Variants in ADAMTS16 observed in about 807,000 individuals in gnomAD.
The protein encoded by ADAMTS16 is A disintegrin and metalloproteinase with thrombospondin motifs 16.
Under a neutral mutation model 145.8 loss-of-function variants are expected in ADAMTS16, and 94 were observed. The ratio of observed to expected loss-of-function variants is 0.64; its 90% CI spans 0.55 to 0.77. ADAMTS16 has a LOEUF of 0.77. ADAMTS16 is among the 30% of genes least tolerant of loss of function. ADAMTS16 has a pLI of 0.00. For missense variants in ADAMTS16, 1,585 were observed against 1,591.5 expected, an observed-to-expected ratio of 1.00 and a Z score of 0.07; for synonymous variants, 659 against 604.3, an observed-to-expected ratio of 1.09 and a Z score of -1.33.
intron 18 of ADAMTS16, among the ~76,000 whole-genome samples, chr5:5,298,677 C>T (rs1560995399): frequency 6.6e-6 from 1 of 152,158 alleles, no homozygotes; most frequent in Admixed American, 6.5e-5. Context: ...GTTGAATGGG[C>T]ACTGCTATCT....
chr5:5,226,446 C>T lies in ADAMTS16; in HGVS notation c.1701+3562C>T, dbSNP rs542370255. 1.1e-4 allele frequency among the ~76,000 whole-genome samples: 17 copies of T among 152,222 alleles called. No homozygotes were observed. The East Asian group carries it at 2.7e-3, about 24-fold the overall frequency. On this transcript the variant is annotated intron_variant, in intron 11 of 22. Transcript: ENST00000274181. ...AAGACCCGCCCCCATGATTCAATTA[C>T]CTCCTACCAGGTCCCTCCCGTGACA...
chr5:5,320,086 C>CTT lies in ADAMTS16; in HGVS notation c.*957_*958dup, dbSNP rs59154430. 7,136 of 256,898 alleles carry CTT rather than the reference C, an allele frequency of 0.028. 13 individuals carry two copies. The highest frequency in any genetic ancestry group is 0.047 in the South Asian group (1,286 of 27,420). 15.9% of individuals were successfully genotyped at this position (256,898 alleles called of 1,614,324 possible). A position where few individuals can be genotyped will look rare whatever the true frequency, so the allele number is the denominator to read the frequency against. On this transcript the variant is annotated 3_prime_UTR_variant, in exon 23 of 23. Transcript: ENST00000274181. The surrounding 1 kb of genome is among the most constrained non-coding windows in gnomAD (Gnocchi z 5.1). ...TTTTTGTGTGTTGTGAGATTTTAATCTTTTTTTTTTCGGTGAGTCTGGCCA... is the reference window on the plus strand; with the variant it reads ...TTTTTGTGTGTTGTGAGATTTTAATCTTTTTTTTTTTTCGGTGAGTCTGGCCA...
chr5:5,311,352 TA>T (rs1284510839), intron 21 of ADAMTS16, among the ~76,000 whole-genome samples: 1 of 149,776 alleles, frequency 6.7e-6, no homozygotes, highest in Non-Finnish European at 1.5e-5. Flanking sequence ...TTGTTTTATC[TA>T]AATCTAAAGG....
chr5:5,242,357 G>A (rs929697279), intron 17 of ADAMTS16, among the ~76,000 whole-genome samples, 166 bp downstream of exon 17: 8 of 152,160 alleles, frequency 5.3e-5, no homozygotes, highest in African/African-American at 1.7e-4. Flanking sequence ...GTCACTTGTC[G>A]GCCCGAGCTG....
chr5:5,217,871 T>C (rs1736480438), intron 10 of ADAMTS16, among the ~76,000 whole-genome samples: 1 of 152,246 alleles, frequency 6.6e-6, no homozygotes, highest in Non-Finnish European at 1.5e-5. Context: ...GTACCTATCA[T>C]GCTTTATCAT....
At chr5:5,257,046 A>T (rs1396106437) in intron 17 of ADAMTS16, among the ~76,000 whole-genome samples, 1 of 152,196 alleles carries the variant, frequency 6.6e-6, no homozygotes, top group Non-Finnish European at 1.5e-5. Context: ...TCTGCAGAAC[A>T]TTTTTAAACA....
rs550837516 is a variant in ADAMTS16, at chr5:5,235,150, C to T, written c.1987C>T (p.Arg663Trp). 48 of 1,587,658 alleles carry T rather than the reference C, an allele frequency of 3.0e-5. No individual in the cohort carries two copies. Among genetic ancestry groups the T allele is most frequent in the Middle Eastern group, 1.7e-4 (1 of 5,920 alleles). The stretch of plus-strand genomic sequence containing the variant: ...GCACAACAGCAGACGATTCAGAGGG[C>T]GGCACTACAAGTGGAAGCCTTACAC... The part of the protein sequence containing the change: ...AEHNSRRFRG[R>W]HYKWKPYTQV... Residue 663 changes from arginine to tryptophan, a missense_variant, in exon 13 of 23, where the codon CGG becomes TGG. Arg to Trp is a moderately radical substitution (Grantham distance 101, BLOSUM62 -3). Coordinates refer to ENST00000274181, the MANE Select transcript of ADAMTS16 (RefSeq NM_139056.4).
chr5:5,271,957 T>C (rs1006274645), intron 18 of ADAMTS16, among the ~76,000 whole-genome samples: 14 of 152,154 alleles, frequency 9.2e-5, no homozygotes, highest in African/African-American at 2.4e-4. Flanking sequence ...TTGCACACTC[T>C]AGAAATGAAA....
intron 17 of ADAMTS16, among the ~76,000 whole-genome samples, chr5:5,252,043 G>T (rs1387218687): frequency 6.6e-6 from 1 of 152,326 alleles, no homozygotes; most frequent in African/African-American, 2.4e-5. Context: ...TAGAGACGGG[G>T]TTTCACCGTG....
rs1277841821 is a variant in ADAMTS16 at position 5,244,579 on chromosome 5, T to G, written c.2662+2388T>G. Among the ~76,000 whole-genome samples the G allele has an allele frequency of 3.9e-5, 6 of 152,210 alleles. No individual in the cohort carries two copies. In the East Asian group the frequency reaches 1.2e-3, roughly 29 times the overall value. On this transcript the variant is annotated intron_variant, in intron 17 of 22. Transcript: ENST00000274181. ...CAATGCCTGGAAGCAATCCTTATTA[T>G]CATCTCAGAGGTTACAGGTAACTTG...
At chr5:5,177,781 G>A (rs1735239785) in intron 3 of ADAMTS16, among the ~76,000 whole-genome samples, 1 of 152,102 alleles carries the variant, frequency 6.6e-6, no homozygotes, top group African/African-American at 2.4e-5. Flanking sequence ...GAGTAAAAAT[G>A]AAATTACTTG....
At chr5:5,304,272 G>A (rs1739926938) in intron 20 of ADAMTS16, among the ~76,000 whole-genome samples, 1 of 152,194 alleles carries the variant, frequency 6.6e-6, no homozygotes. Flanking sequence ...ATCACCTGTT[G>A]CTGCAGGAGG....
Position 5,300,800 on chromosome 5 carries a change from A to G in ADAMTS16, c.2790-2468A>G, listed in dbSNP as rs1281011792. On this transcript the variant is annotated intron_variant, in intron 18 of 22. Coordinates refer to ENST00000274181, the MANE Select transcript of ADAMTS16 (RefSeq NM_139056.4). ...GGCTCTAAAATTACTTGAGTCACAG[A>G]CTCCCTGGAGAACTTGAGGAAAGGC... 1.3e-5 allele frequency among the ~76,000 whole-genome samples: 2 copies of G among 152,004 alleles called. 1 individual carries two copies. The highest frequency in any genetic ancestry group is 3.9e-4 in the East Asian group (2 of 5,184).
In ADAMTS16 at chr5:5,242,148, T is replaced by G. The variant is rs778140266; in HGVS notation, c.2619T>G (p.Thr873=). 6.2e-7 allele frequency: 1 copy of G among 1,614,068 alleles called. No homozygotes were observed. The highest frequency in any genetic ancestry group is 1.1e-5 in the South Asian group (1 of 91,086). Residue 873 remains threonine (T), a synonymous_variant, in exon 17 of 23, where the codon ACT becomes ACG. Transcript: ENST00000274181. ...EKQPPAQPSY[T]WAIVRSECSV... ...AGCCCCCTGCCCAGCCCAGCTACAC[T>G]TGGGCCATCGTGCGCTCTGAGTGCT...
chr5:5,190,130 G>A lies in ADAMTS16; in HGVS notation c.1207G>A (p.Gly403Arg). 1.9e-6 allele frequency: 3 copies of A among 1,589,386 alleles called. No homozygotes were observed. The highest frequency in any genetic ancestry group is 2.6e-6 in the Non-Finnish European group (3 of 1,167,324). ...SWKNEPCDTL[G>R]FAPISGMCSK... Reference sequence around the variant, plus strand: ...GAAGAATGAGCCCTGTGACACTTTGGGTGAGAACCTCCAGCAGAGTGTGAG... The same window carrying A: ...GAAGAATGAGCCCTGTGACACTTTGAGTGAGAACCTCCAGCAGAGTGTGAG... The change falls in exon 7 of 23, where the codon GGA becomes AGA. Residue 403 changes from glycine to arginine, a missense_variant and splice_region_variant. Transcript: ENST00000274181.
chr5:5,212,195 TTTTGTTTTG>T (rs1361965542), intron 10 of ADAMTS16, among the ~76,000 whole-genome samples: 54 of 103,136 alleles, frequency 5.2e-4, no homozygotes, highest in African/African-American at 1.5e-3. Context: ...CTGGGGTTTT[TTTTGTTTTG>T]TTTTGTTTTG....
chr5:5,299,290 A>T (rs1013064877), intron 18 of ADAMTS16, among the ~76,000 whole-genome samples: 9 of 152,220 alleles, frequency 5.9e-5, no homozygotes, highest in Middle Eastern at 3.2e-3. Context: ...GCTCAGGGAG[A>T]CTTGCTGATG....
rs73735776 is a variant in ADAMTS16 at position 5,266,153 on chromosome 5, T to C, written c.2789+3370T>C. Among the ~76,000 whole-genome samples, 596 of 152,240 alleles carry C rather than the reference T, an allele frequency of 3.9e-3. 3 individuals are homozygous for C. The highest frequency in any genetic ancestry group is 0.014 in the African/African-American group (570 of 41,522). ...ATGCTATTTCTCAAGCTAGTCATGT[T>C]AGTGGATCAAGCATACCCTTGCAGT... is the stretch of plus-strand genomic sequence containing the variant. On this transcript the variant is annotated intron_variant, in intron 18 of 22. Coordinates refer to ENST00000274181, the MANE Select transcript of ADAMTS16 (RefSeq NM_139056.4).
chr5:5,157,748 A>G (rs1734636683), intron 3 of ADAMTS16, among the ~76,000 whole-genome samples: 1 of 152,160 alleles, frequency 6.6e-6, no homozygotes, highest in Admixed American at 6.5e-5. Flanking sequence ...TTCTTAGGTG[A>G]AAAAAAGCAA....
Sources: allele counts gnomAD v4.1 joint callset (sites outside exome capture counted in the v4.1 genomes callset), GRCh38; gene constraint gnomAD v4.1.1; non-coding constraint Gnocchi (gnomAD v3.1); transcripts MANE v1.5; gene names NCBI Gene and HGNC (gene_info 2026-07-23, HGNC 2026-07-21).